The following ZNF677 variants were observed in gnomAD, a reference collection of about 807,000 sequenced individuals.
The protein encoded by ZNF677 is hypothetical protein MGC48625.
A neutral mutation model predicts 8.1 loss-of-function variants in ZNF677; 5 were observed. The ratio of observed to expected loss-of-function variants is 0.62; its 90% CI spans 0.32 to 1.29. ZNF677 has a LOEUF of 1.29. ZNF677 is among the 50% of genes most tolerant of loss of function. ZNF677 has a pLI of 0.05. For missense variants in ZNF677, 685 were observed against 685.9 expected (o/e 1.00, Z 0.01); for synonymous variants, 221 against 225.6 (o/e 0.98, Z 0.18).
chr19:53,241,200 AT>A (rs1176652792), intron 4 of ZNF677: 1 of 152,160 alleles, frequency 6.6e-6, no homozygotes, highest in African/African-American at 2.4e-5. Context: ...GCAGAAAAAA[AT>A]ATATATAATA....
intron 3 of ZNF677, among the ~76,000 whole-genome samples, chr19:53,244,535 C>T (rs1319845048): frequency 6.6e-6 from 1 of 152,142 alleles, no homozygotes; most frequent in Non-Finnish European, 1.5e-5. Flanking sequence ...ATGAAATAAG[C>T]TTACCCAAAT....
At chr19:53,252,107 T>C (rs2091244405) in intron 2 of ZNF677, among the ~76,000 whole-genome samples, 1 of 152,174 alleles carries the variant, frequency 6.6e-6, no homozygotes, top group Non-Finnish European at 1.5e-5. Context: ...GATGTAGAGA[T>C]AGGGAGAAAG....
chr19:53,250,974 T>C (rs2965239), intron 3 of ZNF677, among the ~76,000 whole-genome samples: 112,385 of 152,038 alleles, frequency 0.74, 42,081 homozygotes, highest in African/African-American at 0.86. Context: ...TAAAACCAAT[T>C]ATGAAAAAAG....
In ZNF677 at chr19:53,243,859, A is replaced by G; in HGVS notation, c.54T>C (p.Ser18=). 6.2e-7 allele frequency: 1 copy of G among 1,611,050 alleles called. No homozygotes were observed. The part of the protein sequence containing the change: ...FTFKDVAIEF[S]QEEWECLDPA... ...GGTCCAGGCACTCCCACTCCTCTTGAGAGAATTCTATGGCCACATCCTTGA... is the reference window on the plus strand; with the variant it reads ...GGTCCAGGCACTCCCACTCCTCTTGGGAGAATTCTATGGCCACATCCTTGA... Residue 18 remains serine (S), a synonymous_variant, in exon 4 of 5, where the codon TCT becomes TCC. Transcript: ENST00000598513.
At chr19:53,248,456 T>C (rs2091182053) in intron 3 of ZNF677, among the ~76,000 whole-genome samples, 1 of 152,230 alleles carries the variant, frequency 6.6e-6, no homozygotes, top group South Asian at 2.1e-4. Context: ...GTCCTTTTAC[T>C]TCAGCCTAAA....
rs200991649 is a variant in ZNF677, at chr19:53,237,725, A to G, written c.1002T>C (p.Leu334=). 15 of 1,613,818 alleles carry G rather than the reference A, an allele frequency of 9.3e-6. No homozygotes were observed. Among genetic ancestry groups the G allele is most frequent in the Non-Finnish European group, 1.3e-5 (15 of 1,179,870 alleles). Residue 334 remains leucine, a synonymous_variant, in exon 5 of 5, where the codon CTT becomes CTC. Coordinates refer to ENST00000598513, the MANE Select transcript of ZNF677 (RefSeq NM_182609.4). Reference sequence around the variant, plus strand: ...CAGTATGCATCCTCTGATGACTTGCAAGATTTGAATTTTGACTACAGACCT... The same window carrying G: ...CAGTATGCATCCTCTGATGACTTGCGAGATTTGAATTTTGACTACAGACCT... ...CGKVCSQNSN[L]ASHQRMHTGE... is the part of the protein sequence containing the mutation.
At chr19:53,247,588 T>C (rs576022950) in intron 3 of ZNF677, among the ~76,000 whole-genome samples, 9 of 152,316 alleles carry the variant, frequency 5.9e-5, no homozygotes, top group South Asian at 2.1e-4. Flanking sequence ...ACAGAGAGCA[T>C]AGAATTCTCC....
chr19:53,248,761 T>A (rs3111319), intron 3 of ZNF677, among the ~76,000 whole-genome samples: 60,597 of 152,014 alleles, frequency 0.4, 12,909 homozygotes, highest in East Asian at 0.75. Context: ...AGTTTGATTA[T>A]GTGTCTTGCT....
chr19:53,241,597 G>A (rs141275128), intron 4 of ZNF677: 4,141 of 370,042 alleles, frequency 0.011, 43 homozygotes, highest in Non-Finnish European at 0.011. Context: ...AGGATGATCA[G>A]CATATATCTA....
Position 53,237,955 on chromosome 19 carries a change from T to A in ZNF677, c.772A>T (p.Ile258Phe), listed in dbSNP as rs368053971. ...LLHTQYGRTH[I>F]REKSYKCNDC... ...TTACACTTGTATGATTTTTCTCTAATGTGTGTTCTCCCATACTGTGTATGT... is the reference window on the plus strand; with the variant it reads ...TTACACTTGTATGATTTTTCTCTAAAGTGTGTTCTCCCATACTGTGTATGT... Residue 258 changes from isoleucine to phenylalanine, a missense_variant, in exon 5 of 5, where the codon ATT becomes TTT. Transcript: ENST00000598513. 4 of 1,612,410 alleles carry A rather than the reference T, an allele frequency of 2.5e-6. No homozygotes were observed. The highest frequency in any genetic ancestry group is 3.4e-6 in the Non-Finnish European group (4 of 1,179,966).
At position 53,251,603 on chromosome 19, in the gene ZNF677, AGTCT is replaced by A; in HGVS notation, c.-55-2_-54del. 1 of 1,611,700 alleles carries A rather than the reference AGTCT, an allele frequency of 6.2e-7. No individual in the cohort carries two copies. Among genetic ancestry groups the A allele is most frequent in the South Asian group, 1.1e-5 (1 of 90,774 alleles). On this transcript the variant is annotated splice_acceptor_variant and 5_prime_UTR_variant, in exon 3 of 5. Transcript: ENST00000598513. LOFTEE classifies it low-confidence loss of function (5UTR_SPLICE). ...TCTGAGTTTCTTTCTCAGGTAAGTC[AGTCT>A]GTATGTCAAAAATATGTTGTTTAAT...
In ZNF677 at chr19:53,237,699, C is replaced by A. The variant is rs771572786; in HGVS notation, c.1028G>T (p.Gly343Val). 6.8e-6 allele frequency: 11 copies of A among 1,613,416 alleles called. No homozygotes were observed. Among genetic ancestry groups the A allele is most frequent in the Admixed American group, 6.7e-5 (4 of 59,970 alleles). ...NLASHQRMHT[G>V]EKPYKCNECG... is the part of the protein sequence containing the mutation. ...TTCATTACATTTGTAAGGTTTCTCT[C>A]CAGTATGCATCCTCTGATGACTTGC... Residue 343 changes from glycine (G) to valine (V), a missense_variant, in exon 5 of 5, where the codon GGA (glycine) becomes GTA (valine). Physicochemically the swap from Gly to Val is moderately radical, Grantham distance 109. Transcript: ENST00000598513.
Position 53,237,737 on chromosome 19 carries a change from T to C in ZNF677, c.990A>G (p.Gln330=), listed in dbSNP as rs777790603. 9 of 1,613,758 alleles carry C rather than the reference T, an allele frequency of 5.6e-6. No individual in the cohort carries two copies. In the East Asian group the frequency reaches 2.0e-4, roughly 36 times the overall value. ...QCNICGKVCS[Q]NSNLASHQRM... ...TCTGATGACTTGCAAGATTTGAATTTTGACTACAGACCTTGCCACATATAT... is the reference window on the plus strand; with the variant it reads ...TCTGATGACTTGCAAGATTTGAATTCTGACTACAGACCTTGCCACATATAT... The change falls in exon 5 of 5, where the codon CAA becomes CAG. Residue 330 remains glutamine, a synonymous_variant. Transcript: ENST00000598513.
At chr19:53,248,174 AATAATTAAGT>A (rs2146960811) in intron 3 of ZNF677, among the ~76,000 whole-genome samples, 1 of 152,314 alleles carries the variant, frequency 6.6e-6, no homozygotes, top group African/African-American at 2.4e-5. Flanking sequence ...AGAAGCTGAT[AATAATTAAGT>A]TTCAATCGAT....
Position 53,238,068 on chromosome 19 carries a change from G to A in ZNF677, c.659C>T (p.Ser220Phe). 2 of 1,614,024 alleles carry A rather than the reference G, an allele frequency of 1.2e-6. No individual in the cohort carries two copies. The highest frequency in any genetic ancestry group is 8.5e-7 in the Non-Finnish European group (1 of 1,179,970). The change falls in exon 5 of 5, where the codon TCT becomes TTT. Residue 220 changes from serine to phenylalanine, a missense_variant. By Grantham distance (155) the Ser-to-Phe change is radical (BLOSUM62 -2). Transcript: ENST00000598513. Reference protein sequence around the residue: ...KMYECNPVEKSINSSSVSPLP... With the variant: ...KMYECNPVEKFINSSSVSPLP... ...TGGTGAAACTGAGGAACTATTGATA[G>A]ACTTCTCAACTGGATTACATTCATA...
intron 1 of ZNF677, among the ~76,000 whole-genome samples, chr19:53,254,434 T>C (rs1046396021): frequency 2.0e-5 from 3 of 152,146 alleles, no homozygotes; most frequent in Non-Finnish European, 4.4e-5. Context: ...CGCGCATTTC[T>C]CCCTCTTTAT....
In ZNF677 at chr19:53,238,009, A is replaced by T; in HGVS notation, c.718T>A (p.Tyr240Asn). The change falls in exon 5 of 5, where the codon TAT (tyrosine) becomes AAT (asparagine). Residue 240 changes from tyrosine to asparagine, a missense_variant. Transcript: ENST00000598513. ...PPCVKNICNK[Y>N]RKILKYPLLH... is the part of the protein sequence containing the mutation. ...AAAGGGTATTTCAAAATCTTCCTATATTTATTACAAATGTTTTTGACACAA... is the reference window on the plus strand; with the variant it reads ...AAAGGGTATTTCAAAATCTTCCTATTTTTATTACAAATGTTTTTGACACAA... The T allele has an allele frequency of 6.2e-7, 1 of 1,613,522 alleles. No individual in the cohort carries two copies. The highest frequency in any genetic ancestry group is 1.1e-5 in the South Asian group (1 of 91,030).
intron 3 of ZNF677, among the ~76,000 whole-genome samples, chr19:53,247,664 T>C (rs2091167754): frequency 6.6e-6 from 1 of 152,240 alleles, no homozygotes; most frequent in South Asian, 2.1e-4. Context: ...TGTTGATATT[T>C]GATCCATATT....
intron 4 of ZNF677, chr19:53,240,017 G>A (rs2091023689): frequency 6.6e-6 from 1 of 152,202 alleles, no homozygotes; most frequent in Non-Finnish European, 1.5e-5. Context: ...TATGGGACCT[G>A]AGCTGTGTCA....
Sources: gnomAD v4.1 joint callset for allele counts (sites outside exome capture counted in the v4.1 genomes callset) on GRCh38, gnomAD v4.1.1 for gene constraint, MANE v1.5 for transcripts, NCBI Gene and HGNC (gene_info 2026-07-23, HGNC 2026-07-21) for gene names.